The following FBXL7 variants were observed in gnomAD, a reference collection of about 807,000 sequenced individuals.
The protein encoded by FBXL7 is F-box/LRR-repeat protein 7.
A neutral mutation model predicts 38.3 loss-of-function variants in FBXL7; 12 were observed. The ratio of observed to expected loss-of-function variants is 0.31; its 90% CI spans 0.20 to 0.51. The LOEUF (loss-of-function observed/expected upper bound fraction) is 0.51. Ranked by LOEUF, FBXL7 falls within the 20% of genes least tolerant of loss-of-function variation. The probability of loss-of-function intolerance (pLI) is 0.98; values close to 1 mark genes in which losing one functional copy is unlikely to be tolerated. For missense variants in FBXL7, 567 were observed against 676.4 expected, an observed-to-expected ratio of 0.84 and a Z score of 1.79; for synonymous variants, 297 against 300.9, an observed-to-expected ratio of 0.99 and a Z score of 0.13.
intron 2 of FBXL7, among the ~76,000 whole-genome samples, chr5:15,739,697 A>G (rs988652747): frequency 6.6e-6 from 1 of 152,208 alleles, no homozygotes; most frequent in African/African-American, 2.4e-5. Flanking sequence ...ATGTTGCAGC[A>G]TGTATCAATA....
chr5:15,769,703 A>C (rs1234871430), intron 2 of FBXL7, among the ~76,000 whole-genome samples: 3 of 148,808 alleles, frequency 2.0e-5, no homozygotes, highest in Non-Finnish European at 3.0e-5. Flanking sequence ...TGACAAATAA[A>C]TTCAGTAGGA....
chr5:15,554,807 A>C (rs1738183110), intron 1 of FBXL7, among the ~76,000 whole-genome samples: 1 of 152,180 alleles, frequency 6.6e-6, no homozygotes, highest in Non-Finnish European at 1.5e-5. Flanking sequence ...TGACATCATA[A>C]CGTCCCCTTT....
At chr5:15,853,807 T>C (rs1158345628) in intron 2 of FBXL7, among the ~76,000 whole-genome samples, 1 of 152,200 alleles carries the variant, frequency 6.6e-6, no homozygotes, top group African/African-American at 2.4e-5. Flanking sequence ...GAATATGAAT[T>C]TTCCTTATGG....
chr5:15,676,703 A>G (rs1190627895), intron 2 of FBXL7, among the ~76,000 whole-genome samples: 1 of 152,180 alleles, frequency 6.6e-6, no homozygotes, highest in African/African-American at 2.4e-5. Flanking sequence ...GCAGGGCCAT[A>G]GGTGGCCATG....
chr5:15,784,845 T>C (rs927240562), intron 2 of FBXL7, among the ~76,000 whole-genome samples: 2 of 152,148 alleles, frequency 1.3e-5, no homozygotes, highest in African/African-American at 4.8e-5. Flanking sequence ...GTCTCAGATA[T>C]TTCTTTATAG....
chr5:15,727,638 C>G (rs1735444948), intron 2 of FBXL7, among the ~76,000 whole-genome samples: 1 of 152,106 alleles, frequency 6.6e-6, no homozygotes, highest in Non-Finnish European at 1.5e-5. Flanking sequence ...TTGCTACTTT[C>G]AAGATTTTTC....
intron 1 of FBXL7, among the ~76,000 whole-genome samples, chr5:15,515,932 T>G (rs1736923276): frequency 6.6e-6 from 1 of 152,212 alleles, no homozygotes; most frequent in African/African-American, 2.4e-5. Flanking sequence ...AATTTGGAAT[T>G]AATTTAAAAA....
intron 2 of FBXL7, among the ~76,000 whole-genome samples, chr5:15,711,268 G>A (rs1743859615): frequency 6.6e-6 from 1 of 152,274 alleles, no homozygotes; most frequent in Admixed American, 6.5e-5. Flanking sequence ...TAGTAGCTCT[G>A]GAGATTCCTG....
intron 2 of FBXL7, among the ~76,000 whole-genome samples, chr5:15,644,929 C>T (rs1741483689): frequency 6.6e-6 from 1 of 152,140 alleles, no homozygotes; most frequent in African/African-American, 2.4e-5. Context: ...AAGCTCCCTG[C>T]AGATCTGCAG....
At chr5:15,834,420 T>C (rs144254770) in intron 2 of FBXL7, among the ~76,000 whole-genome samples, 195 of 152,332 alleles carry the variant, frequency 1.3e-3, no homozygotes, top group African/African-American at 3.9e-3. Flanking sequence ...TTCATCTGGT[T>C]GGCTCCCTCA....
At chr5:15,735,691 G>A (rs1298109679) in intron 2 of FBXL7, among the ~76,000 whole-genome samples, 3 of 152,202 alleles carry the variant, frequency 2.0e-5, no homozygotes, top group Non-Finnish European at 4.4e-5. Flanking sequence ...ACACATTCAA[G>A]GATAATGAAT....
intron 2 of FBXL7, among the ~76,000 whole-genome samples, chr5:15,677,497 A>G (rs1002630256): frequency 2.0e-5 from 3 of 151,908 alleles, no homozygotes; most frequent in Non-Finnish European, 2.9e-5. Context: ...AGAGAAAGAA[A>G]GGAAGGAAGA....
chr5:15,665,423 A>G (rs1482703058), intron 2 of FBXL7, among the ~76,000 whole-genome samples: 1 of 152,174 alleles, frequency 6.6e-6, no homozygotes, highest in Admixed American at 6.5e-5. Flanking sequence ...TGATCTGCCA[A>G]AGTTAAAAGG....
At chr5:15,515,602 A>G (rs551913374) in intron 1 of FBXL7, among the ~76,000 whole-genome samples, 1 of 152,132 alleles carries the variant, frequency 6.6e-6, no homozygotes, top group East Asian at 1.9e-4. Context: ...AGTATTCAGT[A>G]GAATACTGAA....
At chr5:15,739,175 T>C (rs575185912) in intron 2 of FBXL7, among the ~76,000 whole-genome samples, 1 of 152,292 alleles carries the variant, frequency 6.6e-6, no homozygotes, top group African/African-American at 2.4e-5. Context: ...CTGAGGGTTC[T>C]TCCCCGCATC....
At chr5:15,726,367 A>T (rs1240099998) in intron 2 of FBXL7, among the ~76,000 whole-genome samples, 1 of 152,058 alleles carries the variant, frequency 6.6e-6, no homozygotes, top group Non-Finnish European at 1.5e-5. Context: ...GTATTGTGCT[A>T]TGATAGTACC....
At chr5:15,738,009 G>C (rs182113702) in intron 2 of FBXL7, among the ~76,000 whole-genome samples, 1 of 152,138 alleles carries the variant, frequency 6.6e-6, no homozygotes, top group Non-Finnish European at 1.5e-5. Context: ...ATCAACATAT[G>C]TGCCTGAATG....
intron 1 of FBXL7, among the ~76,000 whole-genome samples, chr5:15,608,931 G>A (rs1374461698): frequency 6.6e-6 from 1 of 152,198 alleles, no homozygotes; most frequent in Non-Finnish European, 1.5e-5. Flanking sequence ...ATTTACAGAA[G>A]GTGAAAGGTT....
At chr5:15,576,072 CTTTTTTTTTTTTTTTT>C (rs35832237) in intron 1 of FBXL7, among the ~76,000 whole-genome samples, 105 of 74,294 alleles carry the variant, frequency 1.4e-3, no homozygotes, top group African/African-American at 4.9e-3. Flanking sequence ...GAATCTCATT[CTTTTTTTTTTTTTTTT>C]TTTTTTTTTT....
Sources: allele counts gnomAD v4.1 joint callset (sites outside exome capture counted in the v4.1 genomes callset), GRCh38; gene constraint gnomAD v4.1.1; transcripts MANE v1.5; gene names NCBI Gene and HGNC (gene_info 2026-07-23, HGNC 2026-07-21).